The following NCOA2 variants were observed in gnomAD, a reference collection of about 807,000 sequenced individuals.
NCOA2 encodes class E basic helix-loop-helix protein 75.
Under a neutral mutation model 145.1 loss-of-function variants are expected in NCOA2, and 21 were observed. The ratio of observed to expected loss-of-function variants is 0.14; its 90% CI spans 0.10 to 0.21. The LOEUF (loss-of-function observed/expected upper bound fraction) is 0.21, where lower values mean the gene tolerates loss of function less well. Among genes scored for constraint, NCOA2 ranks in the 10% least tolerant of loss-of-function variants. NCOA2 has a pLI of 1.00. For missense variants in NCOA2, 1,472 were observed against 1,837.6 expected, an observed-to-expected ratio of 0.80 and a Z score of 3.64; for synonymous variants, 619 against 637.5, an observed-to-expected ratio of 0.97 and a Z score of 0.44.
intron 2 of NCOA2, among the ~76,000 whole-genome samples, chr8:70,289,937 A>C (rs929594163): frequency 6.6e-6 from 1 of 152,112 alleles, no homozygotes; most frequent in African/African-American, 2.4e-5. Context: ...GGGCTCAAGC[A>C]ATCCTCCTGC....
chr8:70,202,386 T>C (rs1272916163), intron 4 of NCOA2, among the ~76,000 whole-genome samples: 3 of 152,186 alleles, frequency 2.0e-5, no homozygotes, highest in African/African-American at 7.2e-5. Context: ...GATATTTGCA[T>C]CCCCATGTTA....
chr8:70,207,488 C>T (rs1818562175), intron 4 of NCOA2, among the ~76,000 whole-genome samples: 1 of 152,078 alleles, frequency 6.6e-6, no homozygotes, highest in Non-Finnish European at 1.5e-5. Flanking sequence ...TTTCATTAGC[C>T]ATATAAGCCA....
chr8:70,242,737 A>C (rs2134489281), intron 2 of NCOA2, among the ~76,000 whole-genome samples: 1 of 152,090 alleles, frequency 6.6e-6, no homozygotes, highest in East Asian at 1.9e-4. Context: ...ATCTTCCCAA[A>C]CTTTTACCTT....
At chr8:70,379,583 T>A (rs1812001262) in intron 1 of NCOA2, among the ~76,000 whole-genome samples, 1 of 152,178 alleles carries the variant, frequency 6.6e-6, no homozygotes, top group Admixed American at 6.5e-5. Context: ...CCATTTTATT[T>A]TATCAAAGAC....
intron 2 of NCOA2, among the ~76,000 whole-genome samples, chr8:70,254,616 T>G (rs1291939599): frequency 2.0e-5 from 3 of 150,672 alleles, no homozygotes; most frequent in Admixed American, 1.3e-4. Flanking sequence ...AGACAAAGAT[T>G]GTATGATTCC....
chr8:70,137,262 C>CA (rs1809836748), intron 15 of NCOA2, among the ~76,000 whole-genome samples: 2 of 152,196 alleles, frequency 1.3e-5, no homozygotes, highest in South Asian at 4.1e-4. Flanking sequence ...AGGCTGGTCT[C>CA]AAACTCCTGA....
chr8:70,432,997 A>G, the NCOA2 span, among the ~76,000 whole-genome samples: 1 of 152,218 alleles, frequency 6.6e-6, no homozygotes, highest in Non-Finnish European at 1.5e-5. Context: ...AGCATGTCAC[A>G]AACCAGTTTT....
At chr8:70,163,604 T>C in intron 7 of NCOA2, 38 bp from the exon 8 acceptor site, 1 of 1,517,498 alleles carries the variant, frequency 6.6e-7, no homozygotes, top group Non-Finnish European at 9.1e-7. Context: ...ATATTGGGCT[T>C]TTCTAGTGAT....
At chr8:70,132,861 T>C in intron 15 of NCOA2, among the ~76,000 whole-genome samples, 1 of 152,204 alleles carries the variant, frequency 6.6e-6, no homozygotes, top group East Asian at 1.9e-4. Context: ...CTACCACACC[T>C]GGCCTGAAAA....
At chr8:70,188,343 T>C (rs1470012704) in intron 4 of NCOA2, among the ~76,000 whole-genome samples, 1 of 152,196 alleles carries the variant, frequency 6.6e-6, no homozygotes, top group East Asian at 1.9e-4. Flanking sequence ...TTTGGCTGCA[T>C]ATAGGGTTTC....
chr8:70,420,469 A>C, the NCOA2 span, among the ~76,000 whole-genome samples: 1 of 152,204 alleles, frequency 6.6e-6, no homozygotes, highest in South Asian at 2.1e-4. Flanking sequence ...TACTATGCTA[A>C]CTAAGAGAGA....
At chr8:70,371,470 G>C (rs1811210587) in intron 1 of NCOA2, among the ~76,000 whole-genome samples, 1 of 151,950 alleles carries the variant, frequency 6.6e-6, no homozygotes, top group South Asian at 2.1e-4. Flanking sequence ...TTAACACAGA[G>C]ACATCAAATT....
At chr8:70,143,689 T>C (rs1810712125) in intron 13 of NCOA2, among the ~76,000 whole-genome samples, 1 of 152,202 alleles carries the variant, frequency 6.6e-6, no homozygotes, top group African/African-American at 2.4e-5. Flanking sequence ...ATTGAACTCT[T>C]ATATTCAGTT....
At chr8:70,178,837 C>G (rs1295440233) in intron 4 of NCOA2, among the ~76,000 whole-genome samples, 1 of 152,158 alleles carries the variant, frequency 6.6e-6, no homozygotes, top group Non-Finnish European at 1.5e-5. Flanking sequence ...CGGGCCACTA[C>G]AAAATCTCAG....
At chr8:70,452,921 C>T in the NCOA2 span, among the ~76,000 whole-genome samples, 2 of 152,266 alleles carry the variant, frequency 1.3e-5, no homozygotes, top group Middle Eastern at 3.4e-3. Context: ...TAAAAATCTT[C>T]TTTCAAGACC....
chr8:70,225,548 C>CA (rs796106958), intron 2 of NCOA2, among the ~76,000 whole-genome samples: 7,216 of 82,776 alleles, frequency 0.087, 568 homozygotes, highest in African/African-American at 0.26. Flanking sequence ...GACTCTGTCT[C>CA]AAAAAAAAAA....
chr8:70,347,393 G>C (rs892502910), intron 1 of NCOA2, among the ~76,000 whole-genome samples: 3 of 151,936 alleles, frequency 2.0e-5, no homozygotes, highest in African/African-American at 7.3e-5. Context: ...ACTGAGGCAG[G>C]AGACTCACTT....
intron 2 of NCOA2, among the ~76,000 whole-genome samples, chr8:70,217,410 CCT>C (rs1336913375): frequency 6.6e-6 from 1 of 152,090 alleles, no homozygotes; most frequent in Non-Finnish European, 1.5e-5. Flanking sequence ...CCATCGGTGC[CCT>C]CTCTCTGTGG....
At chr8:70,154,580 G>C (rs1812087232) in intron 11 of NCOA2, among the ~76,000 whole-genome samples, 1 of 152,044 alleles carries the variant, frequency 6.6e-6, no homozygotes, top group Admixed American at 6.5e-5. Flanking sequence ...AATTTTTTAT[G>C]TTTTCTAGAG....
Sources: gnomAD v4.1 joint callset for allele counts (sites outside exome capture counted in the v4.1 genomes callset) on GRCh38, gnomAD v4.1.1 for gene constraint, MANE v1.5 for transcripts, NCBI Gene and HGNC (gene_info 2026-07-23, HGNC 2026-07-21) for gene names.